The following RHBDF2 variants were observed in gnomAD, a reference collection of about 807,000 sequenced individuals.
The protein encoded by RHBDF2 is rhomboid 5 homolog 2, also known as inactive rhomboid protein 2.
RHBDF2 carries 38 observed loss-of-function variants against 95.2 expected under a neutral mutation model. The observed-to-expected ratio is 0.40, with a 90% CI of 0.31 to 0.52. RHBDF2 has a LOEUF of 0.52. Among genes scored for constraint, RHBDF2 ranks in the 20% least tolerant of loss-of-function variants. The probability of loss-of-function intolerance (pLI) is 0.56; values close to 1 mark genes in which losing one functional copy is unlikely to be tolerated. For synonymous variants in RHBDF2, 442 were observed against 462.0 expected, an observed-to-expected ratio of 0.96 and a Z score of 0.55; for missense variants, 863 against 1,137.7, an observed-to-expected ratio of 0.76 and a Z score of 3.47.
chr17:76,492,974 A>G (rs2074341716), intron 1 of RHBDF2: 1 of 152,252 alleles, frequency 6.6e-6, no homozygotes, highest in South Asian at 2.1e-4. Context: ...GGCTCAAGCC[A>G]TCTGAAGACA....
chr17:76,484,279 A>C (rs1241084019), intron 2 of RHBDF2, among the ~76,000 whole-genome samples: 2 of 151,702 alleles, frequency 1.3e-5, no homozygotes, highest in African/African-American at 2.4e-5. Flanking sequence ...TAAAAATAAA[A>C]ATAAAAATAA....
intron 3 of RHBDF2, 134 bp downstream of exon 3, chr17:76,481,241 A>C: frequency 9.8e-7 from 1 of 1,017,632 alleles, no homozygotes; most frequent in Middle Eastern, 3.2e-4. Context: ...GTAGGGCCCG[A>C]GTCAAGGGCT....
intron 2 of RHBDF2, among the ~76,000 whole-genome samples, chr17:76,483,907 T>C (rs941218386): frequency 1.1e-4 from 16 of 152,166 alleles, no homozygotes; most frequent in African/African-American, 3.6e-4. Context: ...TAACACCCTC[T>C]GCCTGTTTCA....
At chr17:76,489,701 G>A (rs893312079) in intron 1 of RHBDF2, among the ~76,000 whole-genome samples, 2 of 23,376 alleles carry the variant, frequency 8.6e-5, no homozygotes, top group Non-Finnish European at 8.3e-3. Context: ...TCCCGGGGCC[G>A]GGCAGGATTT....
In RHBDF2 at chr17:76,498,057, C is replaced by T. The variant is rs77211439; in HGVS notation, c.-220+3296G>A. Among the ~76,000 whole-genome samples the T allele has an allele frequency of 3.3e-3, 504 of 152,294 alleles. 3 individuals are homozygous for T. Among genetic ancestry groups the T allele is most frequent in the African/African-American group, 0.011 (466 of 41,558 alleles). Reference sequence around the variant, plus strand: ...TTTGCTGAAGGAGGGGCCGTGGACACGGTGGCGCTTTGTACTTCCCGGAAG... The same window carrying T: ...TTTGCTGAAGGAGGGGCCGTGGACATGGTGGCGCTTTGTACTTCCCGGAAG... On this transcript the variant is annotated intron_variant, in intron 1 of 18. Coordinates refer to ENST00000675367, the MANE Select transcript of RHBDF2 (RefSeq NM_001005498.4).
At chr17:76,472,122 G>A (rs757766080) in intron 18 of RHBDF2, 70 bp from the exon 19 acceptor site, 110 of 1,413,834 alleles carry the variant, frequency 7.8e-5, no homozygotes, top group Non-Finnish European at 2.2e-5. Context: ...TGCACCCTGG[G>A]TCATCCCATC....
At chr17:76,493,365 C>T (rs539444829) in intron 1 of RHBDF2, among the ~76,000 whole-genome samples, 14 of 152,262 alleles carry the variant, frequency 9.2e-5, no homozygotes, top group South Asian at 2.1e-4. Context: ...CCCGGAAGGA[C>T]AGCTCATGGC....
Position 76,473,761 on chromosome 17 carries a change from G to A in RHBDF2, c.1639-19C>T, listed in dbSNP as rs753273113. 17 of 1,611,362 alleles carry A rather than the reference G, an allele frequency of 1.1e-5. No individual in the cohort carries two copies. The highest frequency in any genetic ancestry group is 4.5e-5 in the East Asian group (2 of 44,770). ...TGCAGATCTGCCAGGAGGGGGCACC[G>A]GCAGGGAAGTGGGCTGTGCAGCAGG... On this transcript the variant is annotated intron_variant, in intron 14 of 18. Coordinates refer to ENST00000675367, the MANE Select transcript of RHBDF2 (RefSeq NM_001005498.4).
chr17:76,497,490 A>G (rs1032942580), intron 1 of RHBDF2, among the ~76,000 whole-genome samples: 1 of 152,220 alleles, frequency 6.6e-6, no homozygotes, highest in Non-Finnish European at 1.5e-5. Context: ...CCACTGCTCC[A>G]TATGCGTGTT....
In RHBDF2 at chr17:76,472,028, C is replaced by A; in HGVS notation, c.2089G>T (p.Gly697Cys). Residue 697 changes from glycine (G) to cysteine (C), a missense_variant, in exon 19 of 19, where the codon GGC becomes TGC. This residue lies in a region of RHBDF2 where 252 missense variants were observed against 412.2 expected (regional missense o/e 0.61). Coordinates refer to ENST00000675367, the MANE Select transcript of RHBDF2 (RefSeq NM_001005498.4). ...TCCACGAAGAGGCAGGCGAGGAGGCCGAACTGTGAGCCGGCCGGGCCCACC... is the reference window on the plus strand; with the variant it reads ...TCCACGAAGAGGCAGGCGAGGAGGCAGAACTGTGAGCCGGCCGGGCCCACC... ...AEVGPAGSQF[G>C]LLACLFVELF... 7 of 1,570,096 alleles carry A rather than the reference C, an allele frequency of 4.5e-6. No individual in the cohort carries two copies. Among genetic ancestry groups the A allele is most frequent in the Non-Finnish European group, 5.2e-6 (6 of 1,157,692 alleles).
At chr17:76,480,334 G>A (rs372869380) in intron 3 of RHBDF2, among the ~76,000 whole-genome samples, 22 of 151,566 alleles carry the variant, frequency 1.5e-4, no homozygotes, top group Middle Eastern at 3.4e-3. Flanking sequence ...TGATCTGGCC[G>A]CCTCGGCCTC....
chr17:76,474,286 C>T (rs899119551), intron 12 of RHBDF2, 87 bp downstream of exon 12: 76 of 1,476,642 alleles, frequency 5.1e-5, no homozygotes, highest in African/African-American at 3.2e-4. Context: ...GAGGAGGGAA[C>T]GTGGTCACTG....
At position 76,494,683 on chromosome 17, in the gene RHBDF2, C is replaced by T. The variant is rs912510630; in HGVS notation, c.-220+6670G>A. Among the ~76,000 whole-genome samples, 14 of 152,190 alleles carry T rather than the reference C, an allele frequency of 9.2e-5. 1 individual carries two copies. In the South Asian group the frequency reaches 1.5e-3, roughly 16 times the overall value. The stretch of plus-strand genomic sequence containing the variant: ...AGAAGAATCGCTTGAACCTGGGAGG[C>T]GGAGGTTGAAGTGAGCCGAGATCAC... On this transcript the variant is annotated intron_variant, in intron 1 of 18. Transcript: ENST00000675367.
chr17:76,476,296 C>T (rs1342853784), intron 9 of RHBDF2: 3 of 153,488 alleles, frequency 2.0e-5, no homozygotes, highest in African/African-American at 7.2e-5. Flanking sequence ...TGCATAGCCT[C>T]TCCCAGAGTC....
intron 2 of RHBDF2, among the ~76,000 whole-genome samples, chr17:76,482,772 C>CA (rs200585024): frequency 0.013 from 1,947 of 144,290 alleles, 44 homozygotes; most frequent in African/African-American, 0.043. Flanking sequence ...GAAAATGTCT[C>CA]AAAAAAAAAA....
chr17:76,483,477 G>A (rs1182171361), intron 2 of RHBDF2, among the ~76,000 whole-genome samples: 2 of 152,052 alleles, frequency 1.3e-5, no homozygotes, highest in South Asian at 2.1e-4. Context: ...TAGAGATGGG[G>A]TTTCTCCATG....
At position 76,476,942 on chromosome 17, in the gene RHBDF2, G is replaced by C. The variant is rs775956509; in HGVS notation, c.1003C>G (p.Arg335Gly). ...CCGAGGCCGTAGTGCCGCTTCTTCC[G>C]ATCAAAGGCAAAGTGCTTCACCTTG... Reference protein sequence around the residue: ...ASKVKHFAFDRKKRHYGLGVV... With the variant: ...ASKVKHFAFDGKKRHYGLGVV... The change falls in exon 9 of 19, where the codon CGG (arginine) becomes GGG (glycine). Residue 335 changes from arginine to glycine, a missense_variant. Physicochemically the swap from Arg to Gly is moderately radical, Grantham distance 125 (BLOSUM62 -2). Coordinates refer to ENST00000675367, the MANE Select transcript of RHBDF2 (RefSeq NM_001005498.4). 6.2e-7 allele frequency: 1 copy of C among 1,613,938 alleles called. No individual in the cohort carries two copies. The highest frequency in any genetic ancestry group is 1.1e-5 in the South Asian group (1 of 91,076).
chr17:76,472,469 G>C (rs909720746), intron 18 of RHBDF2: 1 of 658,050 alleles, frequency 1.5e-6, no homozygotes, highest in East Asian at 2.7e-5. Context: ...GAAGATAAAT[G>C]AGGCGGTGGA....
chr17:76,479,621 GCCT>G (rs2073886918), intron 4 of RHBDF2, 109 bp downstream of exon 4: 1 of 808,506 alleles, frequency 1.2e-6, no homozygotes, highest in East Asian at 2.5e-5. Context: ...ATTAATGCCG[GCCT>G]CCTCCTTCCA....
Sources: gnomAD v4.1 joint callset for allele counts (sites outside exome capture counted in the v4.1 genomes callset) on GRCh38, gnomAD v4.1.1 for gene constraint, gnomAD v4.1.1 regional missense constraint, MANE v1.5 for transcripts, NCBI Gene and HGNC (gene_info 2026-07-23, HGNC 2026-07-21) for gene names.